Variants in ESR1 observed in about 807,000 individuals in gnomAD.
ESR1 encodes the protein estrogen receptor 1, also known as estrogen receptor.
In ESR1, 12 loss-of-function variants were observed where a neutral mutation model predicts 52.7. The ratio of observed to expected loss-of-function variants is 0.23; its 90% CI spans 0.15 to 0.37. ESR1 has a LOEUF of 0.37. Among genes scored for constraint, ESR1 ranks in the 10% least tolerant of loss-of-function variants. The probability of loss-of-function intolerance (pLI) is 1.00; values close to 1 mark genes in which losing one functional copy is unlikely to be tolerated. For missense variants in ESR1, 584 were observed against 779.7 expected, an observed-to-expected ratio of 0.75 and a Z score of 2.99; for synonymous variants, 305 against 316.8, an observed-to-expected ratio of 0.96 and a Z score of 0.39.
chr6:151,720,062 A>T (rs1179978767), intron 2 of ESR1, among the ~76,000 whole-genome samples: 1 of 152,244 alleles, frequency 6.6e-6, no homozygotes, highest in South Asian at 2.1e-4. Context: ...GCAGAGTGTT[A>T]TGAAATGTTA....
intron 3 of ESR1, among the ~76,000 whole-genome samples, chr6:151,887,759 T>A (rs1794084133): frequency 1.3e-5 from 2 of 151,946 alleles, no homozygotes; most frequent in Admixed American, 1.3e-4. Context: ...AGCACAACAA[T>A]CCCTATAAGG....
chr6:151,931,389 C>T (rs1469670420), intron 3 of ESR1, among the ~76,000 whole-genome samples: 1 of 152,082 alleles, frequency 6.6e-6, no homozygotes, highest in Non-Finnish European at 1.5e-5. Flanking sequence ...AAATTTCTAT[C>T]TTTCTGCTTA....
At chr6:152,095,911 G>C (rs7769444) in intron 7 of ESR1, among the ~76,000 whole-genome samples, 13,245 of 152,206 alleles carry the variant, frequency 0.087, 1,206 homozygotes, top group African/African-American at 0.23. Context: ...AATGTTTTCT[G>C]TAAGAGCTAA....
At chr6:151,957,262 G>A (rs892407767) in intron 4 of ESR1, among the ~76,000 whole-genome samples, 14 of 151,976 alleles carry the variant, frequency 9.2e-5, no homozygotes, top group African/African-American at 2.9e-4. Context: ...AAAAATATTC[G>A]CTATTATCAT....
At chr6:151,820,951 G>A (rs193073133) in intron 1 of ESR1, among the ~76,000 whole-genome samples, 104 of 152,210 alleles carry the variant, frequency 6.8e-4, no homozygotes, top group Non-Finnish European at 1.1e-3. Context: ...GTAATTTGGT[G>A]CAATCGTCTC....
chr6:151,768,463 C>A (rs778374506), intron 2 of ESR1, among the ~76,000 whole-genome samples: 1 of 152,136 alleles, frequency 6.6e-6, no homozygotes, highest in Non-Finnish European at 1.5e-5. Context: ...CAAGTATAAT[C>A]CTGAATTGGG....
intron 5 of ESR1, among the ~76,000 whole-genome samples, chr6:152,038,994 A>T (rs2045560913): frequency 6.6e-6 from 1 of 152,210 alleles, no homozygotes; most frequent in East Asian, 1.9e-4. Context: ...TAAAATGAAG[A>T]TATTGTCTTA....
chr6:151,777,962 AAAAT>A (rs568443489), intron 2 of ESR1, among the ~76,000 whole-genome samples: 13 of 152,228 alleles, frequency 8.5e-5, no homozygotes, highest in South Asian at 2.1e-4. Flanking sequence ...CTCTGTCTCA[AAAAT>A]AAATAAATAA....
At chr6:151,762,941 A>AAAAC (rs756985463) in intron 2 of ESR1, among the ~76,000 whole-genome samples, 1 of 152,122 alleles carries the variant, frequency 6.6e-6, no homozygotes, top group Admixed American at 6.5e-5. Context: ...CTCCATCTCA[A>AAAAC]AAACAAACAA....
chr6:151,714,815 C>A (rs1397676007), intron 2 of ESR1, among the ~76,000 whole-genome samples: 1 of 152,092 alleles, frequency 6.6e-6, no homozygotes, highest in East Asian at 1.9e-4. Flanking sequence ...TGTCTTTTAA[C>A]TGGGGCATTT....
At chr6:151,915,193 C>CAA (rs200034289) in intron 3 of ESR1, among the ~76,000 whole-genome samples, 2 of 129,942 alleles carry the variant, frequency 1.5e-5, no homozygotes, top group Admixed American at 1.6e-4. Context: ...GATTCCGTCT[C>CAA]AAAAAAAAAA....
intron 2 of ESR1, among the ~76,000 whole-genome samples, chr6:151,760,915 G>A (rs1459652128): frequency 1.3e-5 from 2 of 152,126 alleles, no homozygotes; most frequent in Non-Finnish European, 2.9e-5. Flanking sequence ...CTCTATGATT[G>A]AGACCTTTTT....
rs369528641 is a variant in ESR1, at chr6:151,716,270, C to T, written c.-71+14265C>T. On this transcript the variant is annotated intron_variant, in intron 2 of 2. Transcript: ENST00000404742. The stretch of plus-strand genomic sequence containing the variant: ...CTCCTGTATGAGGTGTCTGTCAACC[C>T]CTGCTGGGAGGTGTCTCCCAGTCAG... Among the ~76,000 whole-genome samples the T allele has an allele frequency of 7.2e-5, 11 of 152,150 alleles. No individual in the cohort carries two copies. The East Asian group carries it at 1.7e-3, about 24-fold the overall frequency.
intron 5 of ESR1, among the ~76,000 whole-genome samples, chr6:152,023,010 A>T (rs961791865): frequency 6.6e-6 from 1 of 151,656 alleles, no homozygotes; most frequent in Non-Finnish European, 1.5e-5. Context: ...AAGAAAAAGG[A>T]TGGTGAATTG....
At chr6:151,892,291 A>G (rs866488172) in intron 3 of ESR1, among the ~76,000 whole-genome samples, 1 of 152,218 alleles carries the variant, frequency 6.6e-6, no homozygotes, top group Non-Finnish European at 1.5e-5. Context: ...GGTAGTATAT[A>G]CAAGTGTATA....
chr6:151,725,517 G>T (rs1250406112), intron 2 of ESR1, among the ~76,000 whole-genome samples: 1 of 152,172 alleles, frequency 6.6e-6, no homozygotes, highest in Non-Finnish European at 1.5e-5. Flanking sequence ...AAATTCTTGA[G>T]AATTGGTGAG....
At chr6:151,968,165 T>A (rs1237593046) in intron 4 of ESR1, among the ~76,000 whole-genome samples, 1 of 152,046 alleles carries the variant, frequency 6.6e-6, no homozygotes, top group African/African-American at 2.4e-5. Context: ...AAACAAGAAA[T>A]GGGGAAAGGA....
intron 4 of ESR1, among the ~76,000 whole-genome samples, chr6:151,948,323 T>C (rs1027052278): frequency 7.9e-5 from 12 of 152,242 alleles, no homozygotes; most frequent in African/African-American, 2.9e-4. Flanking sequence ...AGCAATTTTA[T>C]ACTTCAAGTC....
chr6:151,755,209 C>CAAA (rs761616025), intron 2 of ESR1, among the ~76,000 whole-genome samples: 19 of 78,238 alleles, frequency 2.4e-4, no homozygotes, highest in African/African-American at 6.7e-4. Flanking sequence ...GACCCTGCCT[C>CAAA]AAAAAAAAAA....
Sources: allele counts gnomAD v4.1 joint callset (sites outside exome capture counted in the v4.1 genomes callset), GRCh38; gene constraint gnomAD v4.1.1; transcripts MANE v1.5; gene names NCBI Gene and HGNC (gene_info 2026-07-23, HGNC 2026-07-21).